Variants in MLYCD observed in about 807,000 individuals in gnomAD.
The protein encoded by MLYCD is malonyl-CoA decarboxylase, mitochondrial.
Under a neutral mutation model 35.8 loss-of-function variants are expected in MLYCD, and 27 were observed. That is an observed-to-expected ratio of 0.75 (90% CI 0.56 to 1.04). The LOEUF (loss-of-function observed/expected upper bound fraction) is 1.04. MLYCD is among the 50% of genes least tolerant of loss of function. The pLI, the probability that MLYCD is intolerant of heterozygous loss-of-function variation, is 0.00. For synonymous variants in MLYCD, 403 were observed against 302.4 expected, an observed-to-expected ratio of 1.33 and a Z score of -3.45; for missense variants, 917 against 665.1, an observed-to-expected ratio of 1.38 and a Z score of -4.17.
chr16:83,911,222 C>T (rs925119460), intron 3 of MLYCD, among the ~76,000 whole-genome samples: 3 of 152,170 alleles, frequency 2.0e-5, no homozygotes, highest in African/African-American at 7.2e-5. Flanking sequence ...TCGTGATCTG[C>T]CCGCCTCGGC....
chr16:83,906,292 G>A (rs1906973286), intron 1 of MLYCD, among the ~76,000 whole-genome samples: 1 of 152,162 alleles, frequency 6.6e-6, no homozygotes. Flanking sequence ...TTGGGGGGCT[G>A]AGACAGGAGG....
intron 1 of MLYCD, among the ~76,000 whole-genome samples, chr16:83,903,326 A>C (rs944666815): frequency 2.0e-5 from 3 of 152,114 alleles, no homozygotes; most frequent in African/African-American, 7.2e-5. Context: ...GGTTCTAGTA[A>C]ATTCTGTGCT....
rs1050896506 is a variant in MLYCD at position 83,921,256 on chromosome 16, G to A, written c.*5767G>A. 6.6e-6 allele frequency: 1 copy of A among 150,744 alleles called. No individual in the cohort carries two copies. The highest frequency in any genetic ancestry group is 2.4e-5 in the African/African-American group (1 of 40,926). The allele number at this position is 150,744 out of a possible 1,614,324, so 9.3% of individuals were successfully genotyped here. A position where few individuals can be genotyped will look rare whatever the true frequency, so the allele number is the denominator to read the frequency against. On this transcript the variant is annotated 3_prime_UTR_variant, in exon 5 of 5. Transcript: ENST00000262430. ...GGAAGGAAGATGGATGAATAGATGGGTGGGTGGGTGGATGTTTGGATGGAT... is the reference window on the plus strand; with the variant it reads ...GGAAGGAAGATGGATGAATAGATGGATGGGTGGGTGGATGTTTGGATGGAT...
intron 4 of MLYCD, chr16:83,914,407 G>T (rs1001997553): frequency 1.1e-4 from 18 of 169,100 alleles, no homozygotes; most frequent in Non-Finnish European, 1.9e-4. Flanking sequence ...AGGTGGCCAT[G>T]GGAGGAGCAT....
intron 4 of MLYCD, 155 bp downstream of exon 4, chr16:83,912,522 A>G: frequency 2.1e-6 from 2 of 965,716 alleles, no homozygotes; most frequent in Non-Finnish European, 3.2e-6. Context: ...CCCCTTGGCA[A>G]CTCCTAGGAG....
rs1220798307 is a variant in MLYCD, at chr16:83,917,003, C to T, written c.*1514C>T. The T allele has an allele frequency of 8.4e-6, 1 of 119,040 alleles. No individual in the cohort carries two copies. Among genetic ancestry groups the T allele is most frequent in the Non-Finnish European group, 1.7e-5 (1 of 57,808 alleles). 7.4% of individuals were successfully genotyped at this position (119,040 alleles called of 1,614,324 possible). A position where few individuals can be genotyped will look rare whatever the true frequency, so the allele number is the denominator to read the frequency against. Reference sequence around the variant, plus strand: ...GCACGCCTGTGTGCGTGTGCACGAGCGTCTCTGTGTGTCAGTGCACGTCTG... The same window carrying T: ...GCACGCCTGTGTGCGTGTGCACGAGTGTCTCTGTGTGTCAGTGCACGTCTG... On this transcript the variant is annotated 3_prime_UTR_variant, in exon 5 of 5. Transcript: ENST00000262430.
intron 3 of MLYCD, 143 bp from the exon 4 acceptor site, chr16:83,912,075 A>T (rs1313898456): frequency 6.3e-5 from 76 of 1,208,596 alleles, no homozygotes; most frequent in Non-Finnish European, 9.1e-5. Context: ...TAGGCTCTGT[A>T]GCCTGAACCC....
chr16:83,912,177 G>A (rs1181046924), intron 3 of MLYCD, 41 bp from the exon 4 acceptor site: 1 of 1,613,930 alleles, frequency 6.2e-7, no homozygotes, highest in Non-Finnish European at 8.5e-7. Flanking sequence ...GGGCTGCAGA[G>A]CGGCCAGGCC....
In MLYCD at chr16:83,908,071, A is replaced by C; in HGVS notation, c.642-55A>C. ...ACGAATAGTATGAATAGGAGTCAGCAGCCGTTGCTTGTGAATTATGCATTT... is the reference window on the plus strand; with the variant it reads ...ACGAATAGTATGAATAGGAGTCAGCCGCCGTTGCTTGTGAATTATGCATTT... On this transcript the variant is annotated intron_variant, in intron 2 of 4. Coordinates refer to ENST00000262430, the MANE Select transcript of MLYCD (RefSeq NM_012213.3). 3 of 1,605,926 alleles carry C rather than the reference A, an allele frequency of 1.9e-6. No individual in the cohort carries two copies. In the South Asian group the frequency reaches 3.3e-5, roughly 18 times the overall value.
Position 83,922,296 on chromosome 16 carries a change from T to C in MLYCD, c.*6807T>C, listed in dbSNP as rs1293200898. Reference sequence around the variant, plus strand: ...GAGACCTAAGTTCCGGCTCTCCTTATCTCTTGGAGCCCTGTCATCTGTGGA... The same window carrying C: ...GAGACCTAAGTTCCGGCTCTCCTTACCTCTTGGAGCCCTGTCATCTGTGGA... On this transcript the variant is annotated 3_prime_UTR_variant, in exon 5 of 5. Transcript: ENST00000262430. 2 of 152,174 alleles carry C rather than the reference T, an allele frequency of 1.3e-5. No homozygotes were observed. Among genetic ancestry groups the C allele is most frequent in the Non-Finnish European group, 2.9e-5 (2 of 68,080 alleles). The allele number at this position is 152,174 out of a possible 1,614,324, so 9.4% of individuals were successfully genotyped here.
Position 83,899,152 on chromosome 16 carries a change from G to A in MLYCD, c.8G>A (p.Gly3Asp), listed in dbSNP as rs121908081. 44 of 1,146,038 alleles carry A rather than the reference G, an allele frequency of 3.8e-5. No homozygotes were observed. In the South Asian group the frequency reaches 6.1e-4, roughly 16 times the overall value. 71.0% of individuals were successfully genotyped at this position (1,146,038 alleles called of 1,614,324 possible). A position where few individuals can be genotyped will look rare whatever the true frequency, so the allele number is the denominator to read the frequency against. ...CAGCTGTTGTGGGGCACCATGCGAG[G>A]CTTCGGGCCAGGCTTGACGGCCAGG... MR[G>D]FGPGLTARRL... Residue 3 changes from glycine (G) to aspartate (D), a missense_variant, in exon 1 of 5, where the codon GGC becomes GAC. Transcript: ENST00000262430.
intron 1 of MLYCD, among the ~76,000 whole-genome samples, chr16:83,901,659 G>T (rs1413468851): frequency 2.6e-5 from 4 of 152,188 alleles, no homozygotes; most frequent in African/African-American, 9.7e-5. Flanking sequence ...CCCCACTCAA[G>T]AAAACTCTTG....
chr16:83,918,310 CAGG>C lies in MLYCD; in HGVS notation c.*2824_*2826del, dbSNP rs760287191. 8 of 152,136 alleles carry C rather than the reference CAGG, an allele frequency of 5.3e-5. No homozygotes were observed. Among genetic ancestry groups the C allele is most frequent in the African/African-American group, 1.4e-4 (6 of 41,380 alleles). The allele number at this position is 152,136 out of a possible 1,614,324, so 9.4% of individuals were successfully genotyped here. ...CACACAGTGCACAGAACACAGTGCA[CAGG>C]AGAACACTCACAGTGCACAGGAGAA... On this transcript the variant is annotated 3_prime_UTR_variant, in exon 5 of 5. Coordinates refer to ENST00000262430, the MANE Select transcript of MLYCD (RefSeq NM_012213.3).
chr16:83,911,953 T>G (rs1029048466), intron 3 of MLYCD: 4 of 489,020 alleles, frequency 8.2e-6, no homozygotes, highest in African/African-American at 7.8e-5. Context: ...GGGCATACAT[T>G]GCTCTTCAAC....
chr16:83,915,904 T>C lies in MLYCD; in HGVS notation c.*415T>C. 9.1e-7 allele frequency: 1 copy of C among 1,102,204 alleles called. No individual in the cohort carries two copies. Among genetic ancestry groups the C allele is most frequent in the Non-Finnish European group, 1.1e-6 (1 of 899,268 alleles). The allele number at this position is 1,102,204 out of a possible 1,614,324, so 68.3% of individuals were successfully genotyped here. A position where few individuals can be genotyped will look rare whatever the true frequency, so the allele number is the denominator to read the frequency against. On this transcript the variant is annotated 3_prime_UTR_variant, in exon 5 of 5. Transcript: ENST00000262430. ...GATAAGAATAGGTGTTCCTTTGTGC[T>C]CATAAAACAGAATGCGGCGATGGTT...
chr16:83,915,654 A>C lies in MLYCD; in HGVS notation c.*165A>C. 1 of 1,502,136 alleles carries C rather than the reference A, an allele frequency of 6.7e-7. No homozygotes were observed. Among genetic ancestry groups the C allele is most frequent in the South Asian group, 1.3e-5 (1 of 78,880 alleles). The allele number at this position is 1,502,136 out of a possible 1,614,324, so 93.1% of individuals were successfully genotyped here. ...GTGAGGCCAGGCCTCAACTTCCCTC[A>C]CCCTGGGCGTGACATGCACCCAGTG... On this transcript the variant is annotated 3_prime_UTR_variant, in exon 5 of 5. Coordinates refer to ENST00000262430, the MANE Select transcript of MLYCD (RefSeq NM_012213.3).
intron 1 of MLYCD, among the ~76,000 whole-genome samples, chr16:83,904,660 G>C (rs1324053587): frequency 6.6e-6 from 1 of 152,210 alleles, no homozygotes; most frequent in African/African-American, 2.4e-5. Context: ...AGGAGATTGA[G>C]TCATGGAATG....
At position 83,915,206 on chromosome 16, in the gene MLYCD, G is replaced by C. The variant is rs374610037; in HGVS notation, c.1199G>C (p.Arg400Thr). ...LVRALQTPLMRLCAWYLYGEK... is the reference protein window; with the variant it reads ...LVRALQTPLMTLCAWYLYGEK... ...CGGGCGCTGCAGACTCCGCTGATGA[G>C]GCTGTGCGCCTGGTACCTGTATGGA... The change falls in exon 5 of 5, where the codon AGG (arginine) becomes ACG (threonine). Residue 400 changes from arginine (R) to threonine (T), a missense_variant. Coordinates refer to ENST00000262430, the MANE Select transcript of MLYCD (RefSeq NM_012213.3). The C allele has an allele frequency of 4.3e-6, 7 of 1,613,940 alleles. No homozygotes were observed. Among genetic ancestry groups the C allele is most frequent in the African/African-American group, 2.7e-5 (2 of 74,946 alleles).
At position 83,918,471 on chromosome 16, in the gene MLYCD, AAC is replaced by A. The variant is rs150321459; in HGVS notation, c.*2990_*2991del. 2,167 of 134,954 alleles carry A rather than the reference AAC, an allele frequency of 0.016. 70 individuals are homozygous for A. Among genetic ancestry groups the A allele is most frequent in the African/African-American group, 0.05 (1,906 of 37,784 alleles). The allele number at this position is 134,954 out of a possible 1,614,324, so 8.4% of individuals were successfully genotyped here. On this transcript the variant is annotated 3_prime_UTR_variant, in exon 5 of 5. Coordinates refer to ENST00000262430, the MANE Select transcript of MLYCD (RefSeq NM_012213.3). ...AACACGCACACACGGTGCACAGGAG[AAC>A]ACACACAGTGCACAGGAGAACACGC...
Sources: gnomAD v4.1 joint callset for allele counts (sites outside exome capture counted in the v4.1 genomes callset) on GRCh38, gnomAD v4.1.1 for gene constraint, MANE v1.5 for transcripts, NCBI Gene and HGNC (gene_info 2026-07-23, HGNC 2026-07-21) for gene names.